The following CDH18 variants were observed in gnomAD, a reference collection of about 807,000 sequenced individuals.
CDH18 encodes cadherin 18, also known as cadherin-18.
CDH18 carries 31 observed loss-of-function variants against 67.9 expected under a neutral mutation model. That is an observed-to-expected ratio of 0.46 (90% CI 0.34 to 0.62). The LOEUF is 0.62. CDH18 is among the 20% of genes least tolerant of loss of function. CDH18 has a pLI of 0.01. For missense variants in CDH18, 890 were observed against 975.5 expected (o/e 0.91, Z 1.17); for synonymous variants, 362 against 347.2 (o/e 1.04, Z -0.48).
chr5:20,182,522 A>C (rs1259327692), intron 2 of CDH18, among the ~76,000 whole-genome samples: 1 of 150,710 alleles, frequency 6.6e-6, no homozygotes, highest in East Asian at 2.0e-4. Context: ...AAATTGCATG[A>C]ACCCACAAGG....
chr5:19,669,261 T>C (rs147348200), intron 5 of CDH18, among the ~76,000 whole-genome samples: 4,146 of 135,522 alleles, frequency 0.031, 126 homozygotes, highest in Admixed American at 0.077. Flanking sequence ...ATATAAAATA[T>C]TATATTATAT....
chr5:20,512,625 T>C (rs1473505550), intron 1 of CDH18, among the ~76,000 whole-genome samples: 3 of 152,074 alleles, frequency 2.0e-5, no homozygotes, highest in Non-Finnish European at 4.4e-5. Flanking sequence ...GGGTCACGCC[T>C]ATAATCCCAA....
intron 1 of CDH18, among the ~76,000 whole-genome samples, chr5:20,385,116 T>A (rs1182543089): frequency 6.6e-6 from 1 of 152,172 alleles, no homozygotes; most frequent in African/African-American, 2.4e-5. Context: ...GGGTTACAGG[T>A]GTGAGCCACC....
intron 2 of CDH18, among the ~76,000 whole-genome samples, chr5:20,169,481 G>T (rs1463824297): frequency 6.6e-6 from 1 of 152,086 alleles, no homozygotes; most frequent in Admixed American, 6.6e-5. Flanking sequence ...TCTAAGTAAA[G>T]AAAGTAGTAG....
At chr5:19,474,469 T>C (rs1046869921) in intron 12 of CDH18, among the ~76,000 whole-genome samples, 2 of 152,056 alleles carry the variant, frequency 1.3e-5, no homozygotes, top group African/African-American at 4.8e-5. Context: ...TTTTTGTGTG[T>C]GAAAAATCAG....
chr5:19,868,642 G>A (rs568856818), intron 2 of CDH18, among the ~76,000 whole-genome samples: 1 of 152,172 alleles, frequency 6.6e-6, no homozygotes, highest in Non-Finnish European at 1.5e-5. Flanking sequence ...CACATGGAAA[G>A]AGACTGAACC....
chr5:20,569,127 A>G (rs1758669570), intron 1 of CDH18, among the ~76,000 whole-genome samples: 1 of 152,210 alleles, frequency 6.6e-6, no homozygotes, highest in African/African-American at 2.4e-5. Context: ...AGAGCAGTTC[A>G]GTGGGATGGC....
chr5:19,705,584 C>A (rs565642070), intron 5 of CDH18, among the ~76,000 whole-genome samples: 17 of 152,266 alleles, frequency 1.1e-4, no homozygotes, highest in African/African-American at 3.8e-4. Flanking sequence ...TCTAGATTTG[C>A]TAATTTTTTC....
At chr5:20,024,305 C>A (rs1344995037) in intron 2 of CDH18, among the ~76,000 whole-genome samples, 1 of 152,138 alleles carries the variant, frequency 6.6e-6, no homozygotes, top group Non-Finnish European at 1.5e-5. Flanking sequence ...CTGGAAATAA[C>A]ATATGGCTCC....
intron 2 of CDH18, among the ~76,000 whole-genome samples, chr5:20,047,392 T>C (rs77445588): frequency 0.011 from 1,741 of 151,994 alleles, 38 homozygotes; most frequent in African/African-American, 0.04. Context: ...TTAAAACACC[T>C]TTGCACTATT....
At chr5:19,764,975 AG>A (rs1204359612) in intron 3 of CDH18, among the ~76,000 whole-genome samples, 5 of 152,090 alleles carry the variant, frequency 3.3e-5, no homozygotes, top group African/African-American at 1.2e-4. Flanking sequence ...AGGTATTTCC[AG>A]TTAATATTTT....
Position 20,540,904 on chromosome 5 carries a change from C to T in CDH18, c.-580+34558G>A, listed in dbSNP as rs1366768414. Among the ~76,000 whole-genome samples the T allele has an allele frequency of 3.9e-5, 6 of 152,262 alleles. No individual in the cohort carries two copies. The Middle Eastern group carries it at 0.01, about 259-fold the overall frequency. ...GTTGCTGGAGAATATGCCACTTGAC[C>T]GTCTGAGTATATTGCCCACTAGAGC... On this transcript the variant is annotated intron_variant, in intron 1 of 14. Transcript: ENST00000507958.
chr5:20,169,066 T>C (rs1736503079), intron 2 of CDH18, among the ~76,000 whole-genome samples: 1 of 152,132 alleles, frequency 6.6e-6, no homozygotes, highest in South Asian at 2.1e-4. Flanking sequence ...ACCTACTGTT[T>C]GATAGCAAAC....
At chr5:19,952,819 G>T (rs1795930275) in intron 2 of CDH18, among the ~76,000 whole-genome samples, 1 of 152,042 alleles carries the variant, frequency 6.6e-6, no homozygotes, top group African/African-American at 2.4e-5. Flanking sequence ...ATATTTTGGA[G>T]AAATGAGGAT....
chr5:20,409,637 G>A (rs1438151446), intron 1 of CDH18, among the ~76,000 whole-genome samples: 6 of 151,306 alleles, frequency 4.0e-5, no homozygotes, highest in Non-Finnish European at 5.9e-5. Context: ...AAAGTTAGCA[G>A]AAGAACATAA....
chr5:19,819,620 C>T (rs993545829), intron 3 of CDH18, among the ~76,000 whole-genome samples: 1 of 152,116 alleles, frequency 6.6e-6, no homozygotes, highest in African/African-American at 2.4e-5. Flanking sequence ...CAAGAGATCC[C>T]ATGAACCCCA....
At chr5:20,559,234 A>G (rs896403676) in intron 1 of CDH18, among the ~76,000 whole-genome samples, 3 of 152,076 alleles carry the variant, frequency 2.0e-5, no homozygotes, top group African/African-American at 7.2e-5. Flanking sequence ...CTTCAGCCAA[A>G]CTTAGAAGCT....
At chr5:20,107,382 A>T (rs1294496835) in intron 2 of CDH18, among the ~76,000 whole-genome samples, 1 of 152,130 alleles carries the variant, frequency 6.6e-6, no homozygotes, top group Non-Finnish European at 1.5e-5. Flanking sequence ...CCTCTCTCTT[A>T]TAACTTTCCT....
At chr5:20,169,109 T>A (rs1277899380) in intron 2 of CDH18, among the ~76,000 whole-genome samples, 3 of 152,126 alleles carry the variant, frequency 2.0e-5, no homozygotes. Context: ...AACTTAATTG[T>A]ACATTTCAAA....
Sources: gnomAD v4.1 joint callset for allele counts (sites outside exome capture counted in the v4.1 genomes callset) on GRCh38, gnomAD v4.1.1 for gene constraint, MANE v1.5 for transcripts, NCBI Gene and HGNC (gene_info 2026-07-23, HGNC 2026-07-21) for gene names.